Variants in GAA observed in about 807,000 individuals in gnomAD.
GAA encodes the protein alpha glucosidase.
In GAA, 88 loss-of-function variants were observed where a neutral mutation model predicts 103.9. The ratio of observed to expected loss-of-function variants is 0.85; its 90% confidence interval spans 0.71 to 1.01. The LOEUF (loss-of-function observed/expected upper bound fraction) is 1.01. Among genes scored for constraint, GAA ranks in the 50% least tolerant of loss-of-function variants. The pLI is 0.00. For missense variants in GAA, 1,350 were observed against 1,305.3 expected, an observed-to-expected ratio of 1.03 and a Z score of -0.53; for synonymous variants, 572 against 563.1, an observed-to-expected ratio of 1.02 and a Z score of -0.22.
chr17:80,114,597 A>G (rs1195710517), intron 15 of GAA, among the ~76,000 whole-genome samples: 2 of 152,080 alleles, frequency 1.3e-5, no homozygotes, highest in Non-Finnish European at 2.9e-5. Flanking sequence ...TGATGAGCCC[A>G]TCCACGCAGA....
At chr17:80,116,503 C>A (rs924591557) in intron 15 of GAA, among the ~76,000 whole-genome samples, 8 of 152,224 alleles carry the variant, frequency 5.3e-5, no homozygotes, top group African/African-American at 1.9e-4. Context: ...GACGGAGAAT[C>A]CTCCGTAGAG....
At chr17:80,116,899 A>G (rs1324982393) in intron 15 of GAA, 69 bp from the exon 16 acceptor site, 1 of 1,570,108 alleles carries the variant, frequency 6.4e-7, no homozygotes, top group African/African-American at 1.4e-5. Flanking sequence ...GTGCCTCCCC[A>G]GGGTGGGCAT....
rs1283810246 is a variant in GAA, at chr17:80,108,775, C to A, written c.1273C>A (p.Pro425Thr). Reference sequence around the variant, plus strand: ...CAACAAGGATGGCTTCCGGGACTTCCCGGCCATGGTGCAGGAGCTGCACCA... The same window carrying A: ...CAACAAGGATGGCTTCCGGGACTTCACGGCCATGGTGCAGGAGCTGCACCA... ...TFNKDGFRDF[P>T]AMVQELHQGG... The change falls in exon 8 of 20, where the codon CCG becomes ACG. Residue 425 changes from proline to threonine, a missense_variant. Transcript: ENST00000302262. 1.9e-6 allele frequency: 3 copies of A among 1,609,352 alleles called. No individual in the cohort carries two copies. The African/African-American group carries it at 4.0e-5, about 21-fold the overall frequency.
At position 80,113,020 on chromosome 17, in the gene GAA, T is replaced by C; in HGVS notation, c.2033T>C (p.Leu678Pro). Residue 678 changes from leucine to proline, a missense_variant, in exon 14 of 20, where the codon CTC (leucine) becomes CCC (proline). Physicochemically the swap from Leu to Pro is moderately conservative, Grantham distance 98 (BLOSUM62 -3). Transcript: ENST00000302262. The part of the protein sequence containing the change: ...YPFMRNHNSL[L>P]SLPQEPYSFS... ...TTCATGCGGAACCACAACAGCCTGC[T>C]CAGTCTGGTAGGGTGGGGGTGGCGG... 1 of 1,609,806 alleles carries C rather than the reference T, an allele frequency of 6.2e-7. No individual in the cohort carries two copies. The highest frequency in any genetic ancestry group is 8.5e-7 in the Non-Finnish European group (1 of 1,178,736).
intron 8 of GAA, among the ~76,000 whole-genome samples, chr17:80,109,433 C>T (rs1380643956): frequency 6.6e-6 from 1 of 152,192 alleles, no homozygotes; most frequent in East Asian, 1.9e-4. Context: ...TGGTGTCCGG[C>T]ACGATGGCCA....
chr17:80,114,904 C>T (rs983217939), intron 15 of GAA, among the ~76,000 whole-genome samples: 4 of 152,178 alleles, frequency 2.6e-5, no homozygotes, highest in South Asian at 2.1e-4. Flanking sequence ...TTCTGCTCAA[C>T]GTAGGGTTCT....
chr17:80,109,976 G>A lies in GAA; in HGVS notation c.1358G>A (p.Gly453Glu), dbSNP rs2039191662. Residue 453 changes from glycine (G) to glutamate (E), a missense_variant, in exon 9 of 20, where the codon GGG becomes GAG. Physicochemically the swap from Gly to Glu is moderately conservative, Grantham distance 98 (BLOSUM62 -2). Transcript: ENST00000302262. ...GCCATCAGCAGCTCGGGCCCTGCCG[G>A]GAGCTACAGGCCCTACGACGAGGGT... The part of the protein sequence containing the change: ...DPAISSSGPA[G>E]SYRPYDEGLR... The A allele has an allele frequency of 6.2e-7, 1 of 1,613,392 alleles. No homozygotes were observed. Among genetic ancestry groups the A allele is most frequent in the Non-Finnish European group, 8.5e-7 (1 of 1,179,942 alleles).
chr17:80,116,358 AC>A (rs1248868460), intron 15 of GAA, among the ~76,000 whole-genome samples: 2 of 152,172 alleles, frequency 1.3e-5, no homozygotes, highest in Non-Finnish European at 2.9e-5. Flanking sequence ...TAAAGAAGTC[AC>A]CTCAAAAGGC....
At position 80,112,696 on chromosome 17, in the gene GAA, G is replaced by A. The variant is rs757445420; in HGVS notation, c.1873G>A (p.Ala625Thr). ...GDVWSSWEQL[A>T]SSVPEILQFN... Reference sequence around the variant, plus strand: ...CGTGTGGAGCTCCTGGGAGCAGCTCGCCTCCTCCGTGCCAGGTGAGCTCCT... The same window carrying A: ...CGTGTGGAGCTCCTGGGAGCAGCTCACCTCCTCCGTGCCAGGTGAGCTCCT... Residue 625 changes from alanine to threonine, a missense_variant, in exon 13 of 20, where the codon GCC becomes ACC. Coordinates refer to ENST00000302262, the MANE Select transcript of GAA (RefSeq NM_000152.5). 1.4e-5 allele frequency: 22 copies of A among 1,608,702 alleles called. No individual in the cohort carries two copies. Among genetic ancestry groups the A allele is most frequent in the Non-Finnish European group, 1.6e-5 (19 of 1,178,304 alleles).
At position 80,107,690 on chromosome 17, in the gene GAA, A is replaced by T. The variant is rs1407348932; in HGVS notation, c.826A>T (p.Ile276Phe). The change falls in exon 4 of 20, where the codon ATC becomes TTC. Residue 276 changes from isoleucine to phenylalanine, a missense_variant. Physicochemically the swap from Ile to Phe is conservative, Grantham distance 21. Transcript: ENST00000302262. ...GATGCTCAGCACCAGCTGGACCAGG[A>T]TCACCCTGTGGAACCGGGACCTTGC... ...PLMLSTSWTR[I>F]TLWNRDLAPT... 1.2e-6 allele frequency: 2 copies of T among 1,612,766 alleles called. No individual in the cohort carries two copies. Among genetic ancestry groups the T allele is most frequent in the South Asian group, 1.1e-5 (1 of 91,086 alleles).
At chr17:80,119,163 G>A (rs535980041) in intron 19 of GAA, 109 bp from the exon 20 acceptor site, 2 of 1,107,614 alleles carry the variant, frequency 1.8e-6, no homozygotes, top group African/African-American at 3.1e-5. Flanking sequence ...TGAGCGCCGG[G>A]CCTCGCTGCT....
At chr17:80,118,149 C>G in intron 17 of GAA, 44 bp from the exon 18 acceptor site, 1 of 1,607,260 alleles carries the variant, frequency 6.2e-7, no homozygotes, top group Non-Finnish European at 8.5e-7. Context: ...CCTCCACCTC[C>G]ACCAGGGTGG....
chr17:80,117,565 C>T (rs1349904900), intron 16 of GAA, 35 bp from the exon 17 acceptor site: 6 of 1,611,958 alleles, frequency 3.7e-6, no homozygotes, highest in Admixed American at 3.3e-5. Context: ...GGCCTCGGCA[C>T]GGCCCAGAAT....
At chr17:80,118,395 C>T (rs750781970) in intron 18 of GAA, 38 bp downstream of exon 18, 42 of 1,555,262 alleles carry the variant, frequency 2.7e-5, no homozygotes, top group East Asian at 2.5e-4. Flanking sequence ...GGGCAGGGGC[C>T]GGCTCGGGGT....
rs74796058 is a variant in GAA, at chr17:80,117,265, C to G, written c.2331+156C>G. Among the ~76,000 whole-genome samples the G allele has an allele frequency of 1.8e-3, 270 of 152,304 alleles. 1 individual carries two copies. In the East Asian group the frequency reaches 0.02, roughly 11 times the overall value. ...AGGCCCCCACCCGGCTGCTCCGCAC[C>G]CATCAGCCTCTCCGCTCCTCACACC... On this transcript the variant is annotated intron_variant, in intron 16 of 19. Coordinates refer to ENST00000302262, the MANE Select transcript of GAA (RefSeq NM_000152.5).
At position 80,108,347 on chromosome 17, in the gene GAA, A is replaced by C; in HGVS notation, c.1013A>C (p.Asp338Ala). Residue 338 changes from aspartate (D) to alanine (A), a missense_variant, in exon 6 of 20, where the codon GAT becomes GCT. Physicochemically the swap from Asp to Ala is moderately radical, Grantham distance 126. Coordinates refer to ENST00000302262, the MANE Select transcript of GAA (RefSeq NM_000152.5). Reference protein sequence around the residue: ...LSWRSTGGILDVYIFLGPEPK... With the variant: ...LSWRSTGGILAVYIFLGPEPK... The stretch of plus-strand genomic sequence containing the variant: ...TGGAGGTCGACAGGTGGGATCCTGG[A>C]TGTCTACATCTTCCTGGGCCCAGAG... 7 of 1,613,570 alleles carry C rather than the reference A, an allele frequency of 4.3e-6. No homozygotes were observed. The highest frequency in any genetic ancestry group is 5.9e-6 in the Non-Finnish European group (7 of 1,180,012).
At position 80,112,566 on chromosome 17, in the gene GAA, C is replaced by A; in HGVS notation, c.1755-12C>A. 1 of 1,612,940 alleles carries A rather than the reference C, an allele frequency of 6.2e-7. No individual in the cohort carries two copies. Among genetic ancestry groups the A allele is most frequent in the Non-Finnish European group, 8.5e-7 (1 of 1,179,928 alleles). ...CTCCACACAGCCCTCACGGTGTCCC[C>A]CACCACCCCAGGGCGCTGGTGAAGG... On this transcript the variant is annotated splice_polypyrimidine_tract_variant and intron_variant, in intron 12 of 19. Coordinates refer to ENST00000302262, the MANE Select transcript of GAA (RefSeq NM_000152.5).
intron 15 of GAA, among the ~76,000 whole-genome samples, chr17:80,115,293 T>C (rs1018245998): frequency 6.6e-6 from 1 of 152,208 alleles, no homozygotes; most frequent in African/African-American, 2.4e-5. Flanking sequence ...TCAGACTGCT[T>C]AGTCTGACTG....
At chr17:80,111,061 CA>C (rs758518394) in intron 11 of GAA, 36 bp downstream of exon 11, 8 of 1,590,142 alleles carry the variant, frequency 5.0e-6, no homozygotes, top group Middle Eastern at 1.7e-4. Context: ...GGGACTTAAT[CA>C]AATCAGAGAC....
Sources: allele counts gnomAD v4.1 joint callset (sites outside exome capture counted in the v4.1 genomes callset), GRCh38; gene constraint gnomAD v4.1.1; transcripts MANE v1.5; gene names NCBI Gene and HGNC (gene_info 2026-07-23, HGNC 2026-07-21).